The following PTH2R variants were observed in gnomAD, a reference collection of about 807,000 sequenced individuals.
PTH2R encodes the protein PTH2 receptor.
PTH2R carries 59 observed loss-of-function variants against 60.3 expected under a neutral mutation model. The observed-to-expected ratio is 0.98, with a 90% CI of 0.79 to 1.22. The LOEUF (loss-of-function observed/expected upper bound fraction) is 1.22, where lower values mean the gene tolerates loss of function less well. Ranked by LOEUF, PTH2R falls within the 50% of genes most tolerant of loss-of-function variation. PTH2R has a pLI of 0.00. For synonymous variants in PTH2R, 256 were observed against 243.8 expected (o/e 1.05, Z -0.47); for missense variants, 749 against 682.6 (o/e 1.10, Z -1.08).
intron 9 of PTH2R, among the ~76,000 whole-genome samples, chr2:208,475,187 A>T (rs897081): frequency 0.8 from 120,965 of 151,640 alleles, 48,630 homozygotes; most frequent in African/African-American, 0.86. Context: ...AAAATGTGAA[A>T]ATGCAACAAG....
In PTH2R at chr2:208,427,060, C is replaced by T. The variant is rs532200736; in HGVS notation, c.76-1141C>T. Among the ~76,000 whole-genome samples the T allele has an allele frequency of 4.6e-5, 7 of 152,148 alleles. No homozygotes were observed. In the South Asian group the frequency reaches 1.0e-3, roughly 23 times the overall value. On this transcript the variant is annotated intron_variant, in intron 1 of 12. Coordinates refer to ENST00000272847, the MANE Select transcript of PTH2R (RefSeq NM_005048.4). ...AGGAAGAAATAAAAAAGAATATTTT[C>T]GAGTAAAAATGGCACAAGGGGTGAT...
intron 10 of PTH2R, among the ~76,000 whole-genome samples, chr2:208,484,114 AAC>A (rs1466355434): frequency 6.6e-6 from 1 of 152,254 alleles, no homozygotes; most frequent in Non-Finnish European, 1.5e-5. Context: ...GCTAAAATAA[AAC>A]AATACAAAAT....
chr2:208,389,813 G>T (rs1019245673), intron 1 of PTH2R, among the ~76,000 whole-genome samples: 7 of 151,530 alleles, frequency 4.6e-5, no homozygotes, highest in Non-Finnish European at 7.4e-5. Context: ...TTGCGGGGGT[G>T]GGGGGGTTGT....
In PTH2R at chr2:208,493,403, C is replaced by T. The variant is rs753897357; in HGVS notation, c.1397C>T (p.Ala466Val). ...AGCACCAGCAGCCAGTCACAGGTGG[C>T]GGCCAGCACACGCATGGTGCTTATC... ...THSTSSQSQV[A>V]ASTRMVLISG... The change falls in exon 13 of 13, where the codon GCG (alanine) becomes GTG (valine). Residue 466 changes from alanine to valine, a missense_variant. Transcript: ENST00000272847. 1.7e-5 allele frequency: 28 copies of T among 1,609,488 alleles called. No homozygotes were observed. Among genetic ancestry groups the T allele is most frequent in the South Asian group, 7.7e-5 (7 of 90,466 alleles).
intron 7 of PTH2R, among the ~76,000 whole-genome samples, chr2:208,446,755 G>C (rs1160930095): frequency 6.6e-6 from 1 of 152,158 alleles, no homozygotes; most frequent in Non-Finnish European, 1.5e-5. Flanking sequence ...ATCAAAATCT[G>C]TTTGATTTAT....
intron 9 of PTH2R, among the ~76,000 whole-genome samples, chr2:208,461,596 A>G (rs1290630216): frequency 6.6e-6 from 1 of 152,196 alleles, no homozygotes; most frequent in South Asian, 2.1e-4. Flanking sequence ...TATAATGATT[A>G]TATAATGATT....
At chr2:208,434,683 C>T (rs1702039587) in intron 2 of PTH2R, among the ~76,000 whole-genome samples, 1 of 151,866 alleles carries the variant, frequency 6.6e-6, no homozygotes, top group Non-Finnish European at 1.5e-5. Context: ...TATGTAATTA[C>T]ACAATAGATA....
intron 1 of PTH2R, 130 bp downstream of exon 1, chr2:208,407,248 A>G (rs1249809725): frequency 5.8e-6 from 4 of 691,526 alleles, no homozygotes; most frequent in African/African-American, 5.6e-5. Context: ...CCCGGCACGC[A>G]CCGAGGCGTA....
chr2:208,483,298 C>T (rs559824963), intron 10 of PTH2R, among the ~76,000 whole-genome samples: 26 of 152,282 alleles, frequency 1.7e-4, no homozygotes, highest in South Asian at 4.2e-4. Context: ...TCTCATGTCA[C>T]ATCCCATCTG....
In PTH2R at chr2:208,481,177, G is replaced by C; in HGVS notation, c.1076+13G>C. ...GGAAGCAATACAGGTAATTTCAGGA[G>C]AGGCATCCATCAGAGGAAATATTTT... On this transcript the variant is annotated intron_variant, in intron 10 of 12. Coordinates refer to ENST00000272847, the MANE Select transcript of PTH2R (RefSeq NM_005048.4). 6.5e-7 allele frequency: 1 copy of C among 1,545,502 alleles called. No individual in the cohort carries two copies. Among genetic ancestry groups the C allele is most frequent in the Non-Finnish European group, 8.9e-7 (1 of 1,125,848 alleles).
At chr2:208,369,145 T>A (rs985531836) in intron 1 of PTH2R, among the ~76,000 whole-genome samples, 3 of 152,102 alleles carry the variant, frequency 2.0e-5, no homozygotes, top group Non-Finnish European at 2.9e-5. Context: ...GGTCAATAAA[T>A]AAAATACATT....
intron 7 of PTH2R, among the ~76,000 whole-genome samples, chr2:208,445,768 A>G (rs1213840811): frequency 6.6e-6 from 1 of 152,172 alleles, no homozygotes; most frequent in Non-Finnish European, 1.5e-5. Context: ...AATGTGAAGT[A>G]AAGAATGCTG....
At chr2:208,427,108 T>C (rs1371973468) in intron 1 of PTH2R, among the ~76,000 whole-genome samples, 1 of 152,206 alleles carries the variant, frequency 6.6e-6, no homozygotes, top group Non-Finnish European at 1.5e-5. Context: ...CGTTTGATAA[T>C]TGAAGTCAAA....
intron 2 of PTH2R, among the ~76,000 whole-genome samples, chr2:208,435,371 C>A (rs1426542195): frequency 6.6e-6 from 1 of 152,132 alleles, no homozygotes; most frequent in African/African-American, 2.4e-5. Flanking sequence ...GCAGAAGGGA[C>A]TTTGCAGATG....
chr2:208,491,109 T>A (rs1559235881), intron 12 of PTH2R, among the ~76,000 whole-genome samples: 1 of 152,208 alleles, frequency 6.6e-6, no homozygotes, highest in East Asian at 1.9e-4. Flanking sequence ...AGGAGTTGGC[T>A]GGAGAGAAGT....
chr2:208,443,443 A>G lies in PTH2R; in HGVS notation c.605A>G (p.His202Arg), dbSNP rs749612237. 2 of 1,613,912 alleles carry G rather than the reference A, an allele frequency of 1.2e-6. No homozygotes were observed. The highest frequency in any genetic ancestry group is 2.2e-5 in the South Asian group (2 of 91,036). Residue 202 changes from histidine (H) to arginine (R), a missense_variant, in exon 6 of 13, where the codon CAT (histidine) becomes CGT (arginine). Physicochemically the swap from His to Arg is conservative, Grantham distance 29. Coordinates refer to ENST00000272847, the MANE Select transcript of PTH2R (RefSeq NM_005048.4). Reference protein sequence around the residue: ...TSIFVKDRVVHAHIGVKELES... With the variant: ...TSIFVKDRVVRAHIGVKELES... Reference sequence around the variant, plus strand: ...ATCTTTGTCAAAGACAGAGTAGTCCATGCTCACATAGGAGTAAAGGAGCTG... The same window carrying G: ...ATCTTTGTCAAAGACAGAGTAGTCCGTGCTCACATAGGAGTAAAGGAGCTG...
At chr2:208,380,136 T>A (rs2885826) in intron 1 of PTH2R, among the ~76,000 whole-genome samples, 1 of 152,098 alleles carries the variant, frequency 6.6e-6, no homozygotes, top group Non-Finnish European at 1.5e-5. Context: ...CCAGTAAATG[T>A]TATTTTCCTT....
intron 1 of PTH2R, among the ~76,000 whole-genome samples, chr2:208,401,052 T>C (rs955564479): frequency 2.0e-5 from 3 of 152,194 alleles, no homozygotes; most frequent in African/African-American, 7.2e-5. Context: ...TGTGAATACA[T>C]TGGTTGTATT....
In PTH2R at chr2:208,428,946, G is replaced by A. The variant is rs182076517; in HGVS notation, c.178+643G>A. On this transcript the variant is annotated intron_variant, in intron 2 of 12. Transcript: ENST00000272847. ...CTAAAAATGCAAAAATTAGCTGGGCGTGGTGGCGCATGCCTGTAATCCCAG... is the reference window on the plus strand; with the variant it reads ...CTAAAAATGCAAAAATTAGCTGGGCATGGTGGCGCATGCCTGTAATCCCAG... Among the ~76,000 whole-genome samples, 218 of 152,176 alleles carry A rather than the reference G, an allele frequency of 1.4e-3. 2 individuals carry two copies. The highest frequency in any genetic ancestry group is 0.013 in the East Asian group (68 of 5,170).
Sources: gnomAD v4.1 joint callset for allele counts (sites outside exome capture counted in the v4.1 genomes callset) on GRCh38, gnomAD v4.1.1 for gene constraint, MANE v1.5 for transcripts, NCBI Gene and HGNC (gene_info 2026-07-23, HGNC 2026-07-21) for gene names.